The following CRYBG2 variants were observed in gnomAD, a reference collection of about 807,000 sequenced individuals.
The protein encoded by CRYBG2 is crystallin beta-gamma domain containing 2.
CRYBG2 carries 106 observed loss-of-function variants against 153.4 expected under a neutral mutation model. The observed-to-expected ratio is 0.69, with a 90% CI of 0.59 to 0.81. The LOEUF is 0.81. Among genes scored for constraint, CRYBG2 ranks in the 30% least tolerant of loss-of-function variants. The pLI, the probability that CRYBG2 is intolerant of heterozygous loss-of-function variation, is 0.00. For synonymous variants in CRYBG2, 851 were observed against 877.8 expected (o/e 0.97, Z 0.54); for missense variants, 1,996 against 2,112.0 (o/e 0.95, Z 1.08).
Position 26,337,389 on chromosome 1 carries a change from G to A in CRYBG2, c.3645-10C>T. On this transcript the variant is annotated splice_polypyrimidine_tract_variant and intron_variant, in intron 9 of 19. Coordinates refer to ENST00000308182, the MANE Select transcript of CRYBG2 (RefSeq NM_001039775.4). The stretch of plus-strand genomic sequence containing the variant: ...CTCGTAGCCCACCCAGCTGGGAAAA[G>A]CAGGAGGACAGACAGGCAGGTTCAG... 6.2e-7 allele frequency: 1 copy of A among 1,612,898 alleles called. No homozygotes were observed. Among genetic ancestry groups the A allele is most frequent in the Non-Finnish European group, 8.5e-7 (1 of 1,179,282 alleles).
intron 17 of CRYBG2, among the ~76,000 whole-genome samples, chr1:26,326,318 A>G (rs1005963026): frequency 1.2e-4 from 19 of 152,190 alleles, no homozygotes; most frequent in African/African-American, 4.6e-4. Flanking sequence ...CGGGCGGATC[A>G]TGAGGTCAGG....
intron 1 of CRYBG2, among the ~76,000 whole-genome samples, chr1:26,349,548 C>T (rs1028873955): frequency 6.6e-6 from 1 of 152,070 alleles, no homozygotes; most frequent in Admixed American, 6.6e-5. Flanking sequence ...TCTGGGTCTC[C>T]ATAGCCTCCC....
Position 26,343,199 on chromosome 1 carries a change from G to A in CRYBG2, c.2962-40C>T, listed in dbSNP as rs1258343639. On this transcript the variant is annotated intron_variant, in intron 3 of 19. Transcript: ENST00000308182. The surrounding 1 kb of genome is among the most constrained non-coding windows in gnomAD (Gnocchi z 4.1). ...AAGGGGTCCTCAGGCCCTGACCCCAGGCCCCTGCATCCTGCTGCCCCCACC... is the reference window on the plus strand; with the variant it reads ...AAGGGGTCCTCAGGCCCTGACCCCAAGCCCCTGCATCCTGCTGCCCCCACC... The A allele has an allele frequency of 6.4e-7, 1 of 1,550,658 alleles. No homozygotes were observed. The highest frequency in any genetic ancestry group is 8.7e-7 in the Non-Finnish European group (1 of 1,147,006).
Position 26,336,811 on chromosome 1 carries a change from C to T in CRYBG2, c.3911+30G>A, listed in dbSNP as rs1184046730. On this transcript the variant is annotated intron_variant, in intron 11 of 19. Transcript: ENST00000308182. This position sits in a 1 kb window ranked among gnomAD's most constrained non-coding sequence, Gnocchi z 4.9. ...GAACCGCCCCCGGCTCGCCCGGGCC[C>T]GCCCCGCTCCCGGAGCCCGGGTCAC... The T allele has an allele frequency of 3.2e-6, 5 of 1,567,992 alleles. No homozygotes were observed. Among genetic ancestry groups the T allele is most frequent in the Middle Eastern group, 1.8e-4 (1 of 5,674 alleles).
intron 16 of CRYBG2, 46 bp downstream of exon 16, chr1:26,328,688 A>G: frequency 6.3e-7 from 1 of 1,585,078 alleles, no homozygotes; most frequent in South Asian, 1.1e-5. Flanking sequence ...GCCATGACTC[A>G]TCCCCACCAG....
intron 18 of CRYBG2, among the ~76,000 whole-genome samples, chr1:26,323,528 A>C (rs1237381950): frequency 6.6e-6 from 1 of 152,166 alleles, no homozygotes; most frequent in Admixed American, 6.6e-5. Flanking sequence ...TCTGTCTATA[A>C]CTGCTGTATC....
intron 5 of CRYBG2, among the ~76,000 whole-genome samples, chr1:26,340,112 T>C (rs565066826): frequency 9.8e-5 from 15 of 152,336 alleles, no homozygotes; most frequent in African/African-American, 3.4e-4. Flanking sequence ...GGTTCCTGCC[T>C]CTGTCCAGAC....
Position 26,344,713 on chromosome 1 carries a change from G to C in CRYBG2, c.1945C>G (p.Gln649Glu). The stretch of plus-strand genomic sequence containing the variant: ...GGGGCAAGGCTGCCTGCAATACCCT[G>C]GACAGCCTCTTTTTGGATGCTACTG... ...GSSSIQKEAV[Q>E]GIAGSLAPPL... Residue 649 changes from glutamine to glutamate, a missense_variant, in exon 2 of 20, where the codon CAG becomes GAG. Coordinates refer to ENST00000308182, the MANE Select transcript of CRYBG2 (RefSeq NM_001039775.4). 6.5e-7 allele frequency: 1 copy of C among 1,534,354 alleles called. No individual in the cohort carries two copies. The highest frequency in any genetic ancestry group is 8.7e-7 in the Non-Finnish European group (1 of 1,145,826).
At chr1:26,328,176 C>T (rs1210813347) in intron 17 of CRYBG2, 33 bp downstream of exon 17, 8 of 1,554,014 alleles carry the variant, frequency 5.1e-6, no homozygotes, top group Non-Finnish European at 7.0e-6. Flanking sequence ...ACGCTCAGCC[C>T]CAGACACGCT....
At chr1:26,349,375 T>C (rs2074262551) in intron 1 of CRYBG2, among the ~76,000 whole-genome samples, 1 of 151,936 alleles carries the variant, frequency 6.6e-6, no homozygotes, top group South Asian at 2.1e-4. Flanking sequence ...TAAATTCCCA[T>C]CTTCTGATTT....
At chr1:26,347,998 G>A (rs2074246118) in intron 1 of CRYBG2, among the ~76,000 whole-genome samples, 1 of 151,848 alleles carries the variant, frequency 6.6e-6, no homozygotes, top group South Asian at 2.1e-4. Context: ...AGGTTGAAGT[G>A]CAGTAGCTCA....
intron 15 of CRYBG2, among the ~76,000 whole-genome samples, chr1:26,329,173 C>CTTTTT (rs35855833): frequency 1.9e-4 from 19 of 98,640 alleles, no homozygotes; most frequent in South Asian, 3.5e-4. Context: ...TTATTCTAGG[C>CTTTTT]TTTTTTTTTT....
chr1:26,339,307 G>A lies in CRYBG2; in HGVS notation c.3327C>T (p.Ala1109=). The change falls in exon 6 of 20, where the codon GCC becomes GCT. Residue 1109 remains alanine, a synonymous_variant. Coordinates refer to ENST00000308182, the MANE Select transcript of CRYBG2 (RefSeq NM_001039775.4). ...GLEKPLQVAS[A]TVSAGLWLLY... is the part of the protein sequence containing the mutation. Reference sequence around the variant, plus strand: ...AGACTCACAGTCCTGCAGAGACGGTGGCAGATGCCACCTGCAGGGGCTTCT... The same window carrying A: ...AGACTCACAGTCCTGCAGAGACGGTAGCAGATGCCACCTGCAGGGGCTTCT... 3 of 1,614,066 alleles carry A rather than the reference G, an allele frequency of 1.9e-6. No individual in the cohort carries two copies. In the South Asian group the frequency reaches 3.3e-5, roughly 18 times the overall value.
chr1:26,341,644 A>G (rs2074131720), intron 5 of CRYBG2, among the ~76,000 whole-genome samples: 1 of 151,808 alleles, frequency 6.6e-6, no homozygotes, highest in African/African-American at 2.4e-5. Context: ...CCACCATCAA[A>G]CCTGGCTAAT....
Position 26,338,459 on chromosome 1 carries a change from T to C in CRYBG2, c.3363A>G (p.Lys1121=), listed in dbSNP as rs1429624491. The change falls in exon 7 of 20, where the codon AAA becomes AAG. Residue 1121 remains lysine (K), a synonymous_variant. Transcript: ENST00000308182. ...VSAGLWLLYP[K]PLFEDTPYIL... ...TGTAGGGAGTGTCTTCGAATAATGG[T>C]TTGGGGTACAGTAGCCACCTAGGGG... The C allele has an allele frequency of 3.7e-6, 6 of 1,611,172 alleles. No individual in the cohort carries two copies. The African/African-American group carries it at 5.3e-5, about 14-fold the overall frequency.
rs1386256029 is a variant in CRYBG2 at position 26,343,560 on chromosome 1, GTAGGGA to G, written c.2913+179_2913+184del. ...GAATCCACAGTACAAACCTCCCACA[GTAGGGA>G]TAGGGATAGGGAGATTGAGGCCCAG... On this transcript the variant is annotated intron_variant, in intron 2 of 19. Transcript: ENST00000308182. The surrounding 1 kb of genome is among the most constrained non-coding windows in gnomAD (Gnocchi z 4.1). Among the ~76,000 whole-genome samples, 2 of 152,166 alleles carry G rather than the reference GTAGGGA, an allele frequency of 1.3e-5. No homozygotes were observed. The highest frequency in any genetic ancestry group is 2.9e-5 in the Non-Finnish European group (2 of 68,030).
chr1:26,354,076 G>A lies in CRYBG2; in HGVS notation c.-96C>T, dbSNP rs2074312797. ...GCGTGGGGACCCAGGTGTCCAGCCA[G>A]CCTGGAGCTCCTGCTGCTGGGCCGT... On this transcript the variant is annotated 5_prime_UTR_variant, in exon 1 of 20. Transcript: ENST00000308182. 2.5e-6 allele frequency: 1 copy of A among 399,500 alleles called. No individual in the cohort carries two copies. Among genetic ancestry groups the A allele is most frequent in the Non-Finnish European group, 4.4e-6 (1 of 226,442 alleles). The allele number at this position is 399,500 out of a possible 1,614,324, so 24.7% of individuals were successfully genotyped here.
At chr1:26,337,114 G>T in intron 10 of CRYBG2, 134 bp from the exon 11 acceptor site, 1 of 1,550,620 alleles carries the variant, frequency 6.4e-7, no homozygotes, top group South Asian at 1.2e-5. Context: ...AGAGCAGCAG[G>T]GGAAGAGAGG....
chr1:26,331,566 C>A lies in CRYBG2; in HGVS notation c.4237G>T (p.Glu1413Ter). 1 of 1,614,134 alleles carries A rather than the reference C, an allele frequency of 6.2e-7. No homozygotes were observed. The highest frequency in any genetic ancestry group is 8.5e-7 in the Non-Finnish European group (1 of 1,180,030). ...NFEGDQHILS[E>*]GEFPTLTAMG... ...GCCGTGAGAGTGGGGAACTCGCCCT[C>A]AGAGAGAATGTGCTGGTCACCCTCG... is the stretch of plus-strand genomic sequence containing the variant. Residue 1413 changes from glutamate to a stop codon, truncating the protein, a stop_gained, in exon 15 of 20, where the codon GAG (glutamate) becomes TAG (stop). Coordinates refer to ENST00000308182, the MANE Select transcript of CRYBG2 (RefSeq NM_001039775.4). LOFTEE classifies it high-confidence loss of function.
Sources: allele counts gnomAD v4.1 joint callset (sites outside exome capture counted in the v4.1 genomes callset), GRCh38; gene constraint gnomAD v4.1.1; non-coding constraint Gnocchi (gnomAD v3.1); transcripts MANE v1.5; gene names NCBI Gene and HGNC (gene_info 2026-07-23, HGNC 2026-07-21).